The following TPRG1 variants were observed in gnomAD, a reference collection of about 807,000 sequenced individuals.
TPRG1 encodes tumor protein p63 regulated 1, also known as tumor protein p63-regulated gene 1 protein.
A neutral mutation model predicts 29.3 loss-of-function variants in TPRG1; 29 were observed. That is an observed-to-expected ratio of 0.99 (90% CI 0.74 to 1.35). The LOEUF (loss-of-function observed/expected upper bound fraction) is 1.35. Ranked by LOEUF, TPRG1 falls within the 40% of genes most tolerant of loss-of-function variation. The pLI, the probability that TPRG1 is intolerant of heterozygous loss-of-function variation, is 0.00. For synonymous variants in TPRG1, 130 were observed against 116.8 expected (o/e 1.11, Z -0.73); for missense variants, 327 against 335.0 (o/e 0.98, Z 0.19).
chr3:189,239,360 T>C (rs900460320), intron 4 of TPRG1, among the ~76,000 whole-genome samples: 2 of 152,180 alleles, frequency 1.3e-5, no homozygotes, highest in African/African-American at 4.8e-5. Flanking sequence ...ATGGTTCAAT[T>C]ACCTCCCCCT....
At chr3:189,132,084 T>G (rs1016621931) in intron 2 of TPRG1, among the ~76,000 whole-genome samples, 2 of 152,212 alleles carry the variant, frequency 1.3e-5, no homozygotes, top group African/African-American at 4.8e-5. Context: ...TCCCTGATTC[T>G]GAACTTCTGG....
chr3:189,129,415 G>A (rs1054297118), intron 2 of TPRG1, among the ~76,000 whole-genome samples: 5 of 152,158 alleles, frequency 3.3e-5, no homozygotes, highest in African/African-American at 1.2e-4. Flanking sequence ...ATATATTATT[G>A]GTGACATTAA....
chr3:189,016,718 G>T (rs1712953802), intron 3 of TPRG1, among the ~76,000 whole-genome samples: 1 of 152,056 alleles, frequency 6.6e-6, no homozygotes, highest in African/African-American at 2.4e-5. Context: ...CTGGTTTTAT[G>T]AAAGTGTGTG....
intron 4 of TPRG1, among the ~76,000 whole-genome samples, chr3:189,078,099 T>TTCTTTCTCTCTTTCTC (rs1491515307): frequency 6.6e-5 from 3 of 45,582 alleles, no homozygotes; most frequent in African/African-American, 1.4e-4. Flanking sequence ...CTCTCTTTCT[T>TTCTTTCTCTCTTTCTC]TCTTTCTTTC....
chr3:189,120,803 G>A (rs974241911), intron 1 of TPRG1, among the ~76,000 whole-genome samples: 12 of 152,162 alleles, frequency 7.9e-5, no homozygotes, highest in African/African-American at 2.9e-4. Flanking sequence ...CCTCGATATA[G>A]GTCAATAAAT....
chr3:189,158,917 GT>G (rs933197668), intron 5 of TPRG1, among the ~76,000 whole-genome samples: 9 of 147,868 alleles, frequency 6.1e-5, no homozygotes, highest in East Asian at 4.0e-4. Context: ...AGCTCATCAA[GT>G]TTTTTTTTTG....
intron 4 of TPRG1, among the ~76,000 whole-genome samples, chr3:189,034,639 C>T (rs1204961062): frequency 6.6e-6 from 1 of 152,016 alleles, no homozygotes. Context: ...AAAGCAAGGA[C>T]ATAAAAGTTG....
At chr3:189,316,655 C>T (rs117061594) in intron 5 of TPRG1, among the ~76,000 whole-genome samples, 1 of 152,066 alleles carries the variant, frequency 6.6e-6, no homozygotes, top group African/African-American at 2.4e-5. Flanking sequence ...AATACGATGT[C>T]CCCCCTGTCC....
At chr3:189,012,657 T>C (rs1293127461) in intron 3 of TPRG1, among the ~76,000 whole-genome samples, 1 of 152,206 alleles carries the variant, frequency 6.6e-6, no homozygotes, top group African/African-American at 2.4e-5. Flanking sequence ...TATTTATTAC[T>C]GACTCAATTT....
chr3:189,243,208 G>C (rs1404816000), intron 4 of TPRG1, among the ~76,000 whole-genome samples: 1 of 152,156 alleles, frequency 6.6e-6, no homozygotes, highest in East Asian at 1.9e-4. Flanking sequence ...GGGGGAGTGA[G>C]GCATCTTGCA....
At chr3:189,198,980 A>G (rs929934190) in intron 1 of TPRG1, among the ~76,000 whole-genome samples, 10 of 152,218 alleles carry the variant, frequency 6.6e-5, no homozygotes, top group African/African-American at 2.4e-4. Flanking sequence ...AAATAAATAC[A>G]TGCTGTGAGA....
intron 2 of TPRG1, among the ~76,000 whole-genome samples, chr3:189,127,810 G>A (rs1722661272): frequency 6.6e-6 from 1 of 152,166 alleles, no homozygotes; most frequent in African/African-American, 2.4e-5. Context: ...GCCTTTGTGA[G>A]GTAGAGTCTA....
intron 5 of TPRG1, among the ~76,000 whole-genome samples, chr3:189,160,962 G>T (rs572724403): frequency 1.3e-3 from 196 of 152,332 alleles, no homozygotes; most frequent in African/African-American, 4.3e-3. Context: ...AAATTGAAAA[G>T]GTGCCTCATA....
chr3:189,214,962 A>ATTTTATATATATATATATATATTTT, intron 2 of TPRG1, among the ~76,000 whole-genome samples: 9 of 147,558 alleles, frequency 6.1e-5, no homozygotes, highest in African/African-American at 1.0e-4. Context: ...GGTTTAATTT[A>ATTTTATATATATATATATATATTTT]AAAATGTACA....
upstream of TPRG1, among the ~76,000 whole-genome samples, chr3:189,096,552 C>G (rs1425171701): frequency 6.6e-6 from 1 of 152,176 alleles, no homozygotes; most frequent in Non-Finnish European, 1.5e-5. Context: ...CAGTGGTGCT[C>G]AAACATTTTG....
At chr3:189,091,655 C>A (rs894298003) in intron 4 of TPRG1, among the ~76,000 whole-genome samples, 1 of 152,156 alleles carries the variant, frequency 6.6e-6, no homozygotes, top group African/African-American at 2.4e-5. Context: ...CTGTCCTCCC[C>A]TGAATAACAA....
chr3:189,047,450 T>A lies in TPRG1; in HGVS notation c.-463+23504T>A, dbSNP rs868520157. Among the ~76,000 whole-genome samples the A allele has an allele frequency of 3.3e-5, 5 of 152,184 alleles. No homozygotes were observed. The Middle Eastern group carries it at 0.01, about 311-fold the overall frequency. ...CTGTAATCTTTTTACTGGTGGAGGG[T>A]CTTGTCTGTATGTTGATGGCTGATG... On this transcript the variant is annotated intron_variant, in intron 4 of 10. Transcript: ENST00000433971.
At chr3:189,308,376 G>A (rs1345493123) in intron 4 of TPRG1, among the ~76,000 whole-genome samples, 1 of 152,106 alleles carries the variant, frequency 6.6e-6, no homozygotes, top group Non-Finnish European at 1.5e-5. Flanking sequence ...TGGTCATAAA[G>A]GCATCTGCAG....
At chr3:189,174,612 G>A (rs926212464) in intron 1 of TPRG1, among the ~76,000 whole-genome samples, 7 of 152,174 alleles carry the variant, frequency 4.6e-5, no homozygotes, top group African/African-American at 1.7e-4. Flanking sequence ...GGGAAGAGGT[G>A]AAGTTAATTA....
Sources: gnomAD v4.1 joint callset for allele counts (sites outside exome capture counted in the v4.1 genomes callset) on GRCh38, gnomAD v4.1.1 for gene constraint, MANE v1.5 for transcripts, NCBI Gene and HGNC (gene_info 2026-07-23, HGNC 2026-07-21) for gene names.